Variants in ARRB1 observed in about 807,000 individuals in gnomAD.
ARRB1 encodes the protein beta-arrestin-1.
A neutral mutation model predicts 56.8 loss-of-function variants in ARRB1; 21 were observed. The ratio of observed to expected loss-of-function variants is 0.37; its 90% CI spans 0.26 to 0.53. ARRB1 has a LOEUF of 0.53. ARRB1 is among the 20% of genes least tolerant of loss of function. The pLI is 0.88. For missense variants in ARRB1, 424 were observed against 553.7 expected (o/e 0.77, Z 2.35); for synonymous variants, 210 against 218.6 (o/e 0.96, Z 0.35).
At chr11:75,285,235 T>C (rs1233834555) in intron 3 of ARRB1, among the ~76,000 whole-genome samples, 1 of 152,200 alleles carries the variant, frequency 6.6e-6, no homozygotes, top group Non-Finnish European at 1.5e-5. Flanking sequence ...AATGTGCATA[T>C]GTGTACAGCG....
In ARRB1 at chr11:75,281,160, C is replaced by G; in HGVS notation, c.415-18G>C. 6.3e-7 allele frequency: 1 copy of G among 1,586,506 alleles called. No homozygotes were observed. Among genetic ancestry groups the G allele is most frequent in the Non-Finnish European group, 8.6e-7 (1 of 1,165,184 alleles). ...CCGCAAGCCTGTGGGGAAGGGGTCACTGACCACAGGGCCTTGGAGAAGCAG... is the reference window on the plus strand; with the variant it reads ...CCGCAAGCCTGTGGGGAAGGGGTCAGTGACCACAGGGCCTTGGAGAAGCAG... On this transcript the variant is annotated intron_variant, in intron 6 of 15. Transcript: ENST00000420843.
intron 13 of ARRB1, among the ~76,000 whole-genome samples, chr11:75,270,429 A>G (rs1164439598): frequency 1.3e-5 from 2 of 152,178 alleles, no homozygotes; most frequent in Non-Finnish European, 2.9e-5. Flanking sequence ...GGAGTTTAAG[A>G]CCAGCCTGGC....
intron 1 of ARRB1, among the ~76,000 whole-genome samples, chr11:75,318,617 T>G (rs1353564838): frequency 1.3e-5 from 2 of 151,880 alleles, no homozygotes; most frequent in African/African-American, 4.8e-5. Context: ...TTGAACCTGG[T>G]AGGCGGAGGT....
chr11:75,275,294 G>A (rs573083460), intron 10 of ARRB1, among the ~76,000 whole-genome samples: 12 of 151,686 alleles, frequency 7.9e-5, no homozygotes, highest in Non-Finnish European at 1.5e-4. Flanking sequence ...TCACAGGGGC[G>A]CGCCACCATG....
In ARRB1 at chr11:75,267,693, G is replaced by C. The variant is rs1006150712; in HGVS notation, c.1104C>G (p.Asn368Lys). Residue 368 changes from asparagine to lysine, a missense_variant, in exon 15 of 16, where the codon AAC (asparagine) becomes AAG (lysine). This residue lies in a region of ARRB1 where 121 missense variants were observed against 147.3 expected (regional missense o/e 0.82). Transcript: ENST00000420843. ...TGAGATTGGTATCTACTGGCGTCTCGTTCTCTGGAACTAAACACAGGGTGG... is the reference window on the plus strand; with the variant it reads ...TGAGATTGGTATCTACTGGCGTCTCCTTCTCTGGAACTAAACACAGGGTGG... ...EEPPHREVPE[N>K]ETPVDTNLIE... is the part of the protein sequence containing the mutation. 2 of 978,030 alleles carry C rather than the reference G, an allele frequency of 2.0e-6. No individual in the cohort carries two copies. The highest frequency in any genetic ancestry group is 4.2e-5 in the East Asian group (1 of 23,670). 60.6% of individuals were successfully genotyped at this position (978,030 alleles called of 1,614,324 possible).
chr11:75,281,583 G>A (rs753703413), intron 6 of ARRB1: 9 of 341,318 alleles, frequency 2.6e-5, no homozygotes, highest in South Asian at 4.2e-5. Flanking sequence ...CAAAGCTCTG[G>A]AGCTAGTGGT....
chr11:75,291,080 G>A (rs1051915966), intron 1 of ARRB1, among the ~76,000 whole-genome samples: 21 of 152,172 alleles, frequency 1.4e-4, no homozygotes, highest in Admixed American at 1.2e-3. Flanking sequence ...GACCAGGAAC[G>A]GTGGCTCATG....
intron 3 of ARRB1, among the ~76,000 whole-genome samples, chr11:75,285,966 G>C (rs1946459278): frequency 6.6e-6 from 1 of 152,216 alleles, no homozygotes; most frequent in African/African-American, 2.4e-5. Context: ...GGGAGAAGAT[G>C]CCAATGGCAA....
chr11:75,330,141 C>T (rs1045233168), intron 1 of ARRB1, among the ~76,000 whole-genome samples: 2 of 152,230 alleles, frequency 1.3e-5, no homozygotes, highest in Non-Finnish European at 2.9e-5. Context: ...CTCTTCTAGT[C>T]TATTTACCTA....
chr11:75,304,537 TG>T (rs1462581916), intron 1 of ARRB1, among the ~76,000 whole-genome samples: 5 of 152,166 alleles, frequency 3.3e-5, no homozygotes, highest in Non-Finnish European at 7.3e-5. Flanking sequence ...TTAAGAATTT[TG>T]TGAGGTAGTT....
chr11:75,317,006 C>T (rs1230807125), intron 1 of ARRB1, among the ~76,000 whole-genome samples: 1 of 152,150 alleles, frequency 6.6e-6, no homozygotes, highest in East Asian at 1.9e-4. Flanking sequence ...GTGGAGGTTG[C>T]AGTCAGCCGA....
chr11:75,329,688 G>A (rs747501388), intron 1 of ARRB1, among the ~76,000 whole-genome samples: 18 of 152,092 alleles, frequency 1.2e-4, no homozygotes, highest in Non-Finnish European at 2.1e-4. Flanking sequence ...ATGTGGGGAC[G>A]AACAGTCACA....
chr11:75,287,383 G>C lies in ARRB1; in HGVS notation c.52-8C>G. 2 of 1,558,266 alleles carry C rather than the reference G, an allele frequency of 1.3e-6. No homozygotes were observed. Among genetic ancestry groups the C allele is most frequent in the South Asian group, 1.2e-5 (1 of 84,454 alleles). On this transcript the variant is annotated splice_region_variant and splice_polypyrimidine_tract_variant and intron_variant, in intron 2 of 15. Coordinates refer to ENST00000420843, the MANE Select transcript of ARRB1 (RefSeq NM_004041.5). The stretch of plus-strand genomic sequence containing the variant: ...TCCCAGGTAGACGGTGAGCTGAGGA[G>C]GAGAGGCATAGGGGGCGTTAGCAGC...
intron 6 of ARRB1, 102 bp downstream of exon 6, chr11:75,281,860 G>T: frequency 1.7e-6 from 2 of 1,206,026 alleles, no homozygotes; most frequent in Non-Finnish European, 2.4e-6. Flanking sequence ...GTTCAACAGG[G>T]AGAGTGGTCC....
intron 1 of ARRB1, among the ~76,000 whole-genome samples, chr11:75,302,052 G>A (rs1228658178): frequency 6.6e-6 from 1 of 152,186 alleles, no homozygotes; most frequent in Non-Finnish European, 1.5e-5. Context: ...AGGGAGACTC[G>A]CTAGTGTGCC....
At chr11:75,340,339 C>T (rs1331634425) in intron 1 of ARRB1, among the ~76,000 whole-genome samples, 2 of 152,264 alleles carry the variant, frequency 1.3e-5, no homozygotes, top group Non-Finnish European at 2.9e-5. Context: ...GCTCACCATT[C>T]TACACAGTGT....
intron 1 of ARRB1, among the ~76,000 whole-genome samples, chr11:75,348,315 G>A (rs935166225): frequency 6.6e-6 from 1 of 152,108 alleles, no homozygotes; most frequent in Non-Finnish European, 1.5e-5. Flanking sequence ...TAGTTCCAAC[G>A]CCACCTCCTT....
chr11:75,274,302 C>A, intron 10 of ARRB1, 91 bp from the exon 11 acceptor site: 1 of 1,539,464 alleles, frequency 6.5e-7, no homozygotes, highest in Non-Finnish European at 8.8e-7. Context: ...TAGTCTGAGC[C>A]TGCTCCAAGT....
Position 75,283,335 on chromosome 11 carries a change from T to C in ARRB1, c.306A>G (p.Glu102=). The change falls in exon 5 of 16, where the codon GAA becomes GAG. Residue 102 remains glutamate, a synonymous_variant. Transcript: ENST00000420843. ...EDKKPLTRLQ[E]RLIKKLGEHA... is the part of the protein sequence containing the mutation. ...GCTCGCCCAGCTTCTTGATGAGGCGTTCCTGCAGCCGCGTCAGGGGCTTCT... is the reference window on the plus strand; with the variant it reads ...GCTCGCCCAGCTTCTTGATGAGGCGCTCCTGCAGCCGCGTCAGGGGCTTCT... The C allele has an allele frequency of 6.2e-7, 1 of 1,613,888 alleles. No homozygotes were observed. The highest frequency in any genetic ancestry group is 8.5e-7 in the Non-Finnish European group (1 of 1,179,856).
Sources: gnomAD v4.1 joint callset for allele counts (sites outside exome capture counted in the v4.1 genomes callset) on GRCh38, gnomAD v4.1.1 for gene constraint, gnomAD v4.1.1 regional missense constraint, MANE v1.5 for transcripts, NCBI Gene and HGNC (gene_info 2026-07-23, HGNC 2026-07-21) for gene names.